POC5: variants seen among roughly 807,000 people sequenced by gnomAD.
POC5 encodes the protein POC5 centriolar protein.
A neutral mutation model predicts 62.9 loss-of-function variants in POC5; 48 were observed. That is an observed-to-expected ratio of 0.76 (90% CI 0.61 to 0.97). The LOEUF is 0.97. Ranked by LOEUF, POC5 falls within the 50% of genes least tolerant of loss-of-function variation. The probability of loss-of-function intolerance (pLI) is 0.00; values close to 1 mark genes in which losing one functional copy is unlikely to be tolerated. For missense variants in POC5, 696 were observed against 679.5 expected, an observed-to-expected ratio of 1.02 and a Z score of -0.27; for synonymous variants, 236 against 228.2, an observed-to-expected ratio of 1.03 and a Z score of -0.31.
chr5:75,686,731 CTT>C (rs1298643971), intron 9 of POC5, among the ~76,000 whole-genome samples: 5 of 152,050 alleles, frequency 3.3e-5, no homozygotes, highest in Admixed American at 1.3e-4. Context: ...TCAGATAACT[CTT>C]AAGTTTAATA....
At chr5:75,678,525 CTT>C (rs1775759984) in intron 10 of POC5, among the ~76,000 whole-genome samples, 1 of 152,144 alleles carries the variant, frequency 6.6e-6, no homozygotes, top group Admixed American at 6.5e-5. Context: ...TTTATGGACT[CTT>C]TGATCCTTAA....
At chr5:75,708,775 T>C (rs999213298) in intron 2 of POC5, among the ~76,000 whole-genome samples, 1 of 152,210 alleles carries the variant, frequency 6.6e-6, no homozygotes, top group Non-Finnish European at 1.5e-5. Context: ...TTTATGGCAA[T>C]TACATGTACA....
chr5:75,674,504 T>A lies in POC5; in HGVS notation c.1659A>T (p.Arg553Ser). 2 of 1,613,966 alleles carry A rather than the reference T, an allele frequency of 1.2e-6. No homozygotes were observed. The highest frequency in any genetic ancestry group is 1.7e-6 in the Non-Finnish European group (2 of 1,179,826). Residue 553 changes from arginine to serine, a missense_variant, in exon 12 of 12, where the codon AGA becomes AGT. Coordinates refer to ENST00000428202, the MANE Select transcript of POC5 (RefSeq NM_001099271.2). ...IHPESSTSAS[R>S]SLGTRSAHTQ... ...TGTGAGCTGATCTGGTTCCAAGTGATCTGGAAGCTGAGGTACTACTTTCAG... is the reference window on the plus strand; with the variant it reads ...TGTGAGCTGATCTGGTTCCAAGTGAACTGGAAGCTGAGGTACTACTTTCAG...
intron 1 of POC5, among the ~76,000 whole-genome samples, chr5:75,713,397 ATT>A (rs1777428337): frequency 6.6e-6 from 1 of 152,234 alleles, no homozygotes; most frequent in African/African-American, 2.4e-5. Flanking sequence ...TGCATAGAGA[ATT>A]TGTTGAAAGT....
chr5:75,692,515 TAACCC>T lies in POC5; in HGVS notation c.691-20_691-16del. Reference sequence around the variant, plus strand: ...CTAGAAATCACCTGTAAACAGCAATTAACCCAATTATTGTGATATTAAAATAACAG... The same window carrying T: ...CTAGAAATCACCTGTAAACAGCAATTAATTATTGTGATATTAAAATAACAG... On this transcript the variant is annotated splice_polypyrimidine_tract_variant and intron_variant, in intron 6 of 11. Transcript: ENST00000428202. 1 of 1,532,106 alleles carries T rather than the reference TAACCC, an allele frequency of 6.5e-7. No individual in the cohort carries two copies. Among genetic ancestry groups the T allele is most frequent in the East Asian group, 2.4e-5 (1 of 42,514 alleles). 94.9% of individuals were successfully genotyped at this position (1,532,106 alleles called of 1,614,324 possible). A position where few individuals can be genotyped will look rare whatever the true frequency, so the allele number is the denominator to read the frequency against.
At chr5:75,710,624 T>A (rs72633986) in intron 2 of POC5, among the ~76,000 whole-genome samples, 26,032 of 152,144 alleles carry the variant, frequency 0.17, 2,412 homozygotes, top group South Asian at 0.21. Context: ...AACTGACCCT[T>A]TTGGGCTGTG....
At chr5:75,698,365 T>A (rs1158285251) in intron 5 of POC5, among the ~76,000 whole-genome samples, 3 of 151,722 alleles carry the variant, frequency 2.0e-5, no homozygotes, top group Non-Finnish European at 4.4e-5. Flanking sequence ...TATAACAAAC[T>A]ATCTCTCAGA....
At chr5:75,694,362 A>T (rs1013230604) in intron 6 of POC5, among the ~76,000 whole-genome samples, 13 of 152,192 alleles carry the variant, frequency 8.5e-5, no homozygotes, top group African/African-American at 1.9e-4. Flanking sequence ...AATTTTTTTT[A>T]AATTGACAAA....
intron 5 of POC5, among the ~76,000 whole-genome samples, chr5:75,701,216 C>T (rs185772734): frequency 0.01 from 1,491 of 142,536 alleles, 68 homozygotes; most frequent in African/African-American, 0.034. Context: ...CATCCCATTA[C>T]GGGGTATATA....
At chr5:75,695,337 C>T (rs1045617321) in intron 5 of POC5, among the ~76,000 whole-genome samples, 4 of 151,934 alleles carry the variant, frequency 2.6e-5, no homozygotes, top group African/African-American at 4.8e-5. Context: ...TACTGACTGG[C>T]ACAAATAAAA....
chr5:75,706,225 G>A (rs1777114969), intron 3 of POC5, among the ~76,000 whole-genome samples: 1 of 152,168 alleles, frequency 6.6e-6, no homozygotes, highest in Non-Finnish European at 1.5e-5. Context: ...TCAACAGATG[G>A]CAAAAAGGAA....
intron 11 of POC5, among the ~76,000 whole-genome samples, chr5:75,675,676 A>T (rs536307806): frequency 3.3e-5 from 5 of 152,356 alleles, no homozygotes; most frequent in Admixed American, 2.6e-4. Context: ...CTTGCAACAG[A>T]TAAGAAATTT....
intron 9 of POC5, among the ~76,000 whole-genome samples, chr5:75,688,694 C>T (rs1776194690): frequency 2.0e-5 from 3 of 152,064 alleles, no homozygotes; most frequent in African/African-American, 7.2e-5. Flanking sequence ...AAGTTTTGTA[C>T]TTAAAAAGGC....
Position 75,674,432 on chromosome 5 carries a change from A to G in POC5, c.*3T>C. 2 of 1,613,748 alleles carry G rather than the reference A, an allele frequency of 1.2e-6. No homozygotes were observed. The highest frequency in any genetic ancestry group is 8.5e-7 in the Non-Finnish European group (1 of 1,179,758). On this transcript the variant is annotated 3_prime_UTR_variant, in exon 12 of 12. Coordinates refer to ENST00000428202, the MANE Select transcript of POC5 (RefSeq NM_001099271.2). Reference sequence around the variant, plus strand: ...AAAAGACCCCACTATGGACATATTCACTTTAGTCAACCACTTTTATGGAAT... The same window carrying G: ...AAAAGACCCCACTATGGACATATTCGCTTTAGTCAACCACTTTTATGGAAT...
rs374750950 is a variant in POC5 at position 75,698,613 on chromosome 5, G to C, written c.514-3782C>G. Among the ~76,000 whole-genome samples, 9 of 151,772 alleles carry C rather than the reference G, an allele frequency of 5.9e-5. No individual in the cohort carries two copies. In the South Asian group the frequency reaches 1.5e-3, roughly 25 times the overall value. On this transcript the variant is annotated intron_variant, in intron 5 of 11. Coordinates refer to ENST00000428202, the MANE Select transcript of POC5 (RefSeq NM_001099271.2). ...AGCACTAAATGCCCACAAGAGAAAG[G>C]AGGAAAGATCCAAAATTGACACCCT...
chr5:75,699,314 C>A (rs1310386869), intron 5 of POC5, among the ~76,000 whole-genome samples: 3 of 151,936 alleles, frequency 2.0e-5, no homozygotes, highest in Non-Finnish European at 2.9e-5. Context: ...ATGCAAAAAT[C>A]CTCAACAAAA....
chr5:75,690,289 T>A (rs1776272418), intron 8 of POC5, 94 bp downstream of exon 8: 1 of 1,213,182 alleles, frequency 8.2e-7, no homozygotes, highest in Non-Finnish European at 1.1e-6. Context: ...CATTCTTGAT[T>A]AAAGACCAAA....
chr5:75,690,606 T>A, intron 7 of POC5, 44 bp from the exon 8 acceptor site: 1 of 1,404,266 alleles, frequency 7.1e-7, no homozygotes, highest in Non-Finnish European at 9.7e-7. Context: ...AGTTGATTGA[T>A]AAATATATTG....
chr5:75,711,358 G>C (rs1777336893), intron 2 of POC5, among the ~76,000 whole-genome samples: 1 of 151,906 alleles, frequency 6.6e-6, no homozygotes, highest in South Asian at 2.1e-4. Context: ...GAGCAACTTG[G>C]CTGATAGGAG....
Sources: gnomAD v4.1 joint callset for allele counts (sites outside exome capture counted in the v4.1 genomes callset) on GRCh38, gnomAD v4.1.1 for gene constraint, MANE v1.5 for transcripts, NCBI Gene and HGNC (gene_info 2026-07-23, HGNC 2026-07-21) for gene names.